C12orf42: variants seen among roughly 807,000 people sequenced by gnomAD.
C12orf42 encodes chromosome 12 open reading frame 42, also known as uncharacterized protein C12orf42.
A neutral mutation model predicts 21.6 loss-of-function variants in C12orf42; 25 were observed. The ratio of observed to expected loss-of-function variants is 1.16; its 90% CI spans 0.84 to 1.62. The LOEUF is 1.62. Among genes scored for constraint, C12orf42 ranks in the 40% most tolerant of loss-of-function variants. C12orf42 has a pLI of 0.00. For missense variants in C12orf42, 483 were observed against 459.3 expected, an observed-to-expected ratio of 1.05 and a Z score of -0.47; for synonymous variants, 174 against 175.0, an observed-to-expected ratio of 0.99 and a Z score of 0.05.
the C12orf42 span, among the ~76,000 whole-genome samples, chr12:103,222,543 T>C: frequency 6.6e-6 from 1 of 152,190 alleles, no homozygotes; most frequent in African/African-American, 2.4e-5. Context: ...ATGCGATAGC[T>C]TGGCTTGAGC....
intron 2 of C12orf42, among the ~76,000 whole-genome samples, chr12:103,436,835 A>G (rs1440926017): frequency 6.6e-6 from 1 of 150,970 alleles, no homozygotes; most frequent in Non-Finnish European, 1.5e-5. Context: ...TGTCAACATT[A>G]GACAGATCAA....
intron 10 of C12orf42, among the ~76,000 whole-genome samples, chr12:103,258,823 G>A (rs1389401556): frequency 2.0e-5 from 3 of 152,108 alleles, no homozygotes; most frequent in Non-Finnish European, 4.4e-5. Flanking sequence ...CACAAAAGGG[G>A]ATTGAAATAA....
At chr12:103,337,228 T>C (rs1825649361) in intron 4 of C12orf42, among the ~76,000 whole-genome samples, 1 of 152,214 alleles carries the variant, frequency 6.6e-6, no homozygotes, top group South Asian at 2.1e-4. Flanking sequence ...ATCTGCCCCT[T>C]TGTGCACAGC....
At chr12:103,081,721 T>C in the C12orf42 span, among the ~76,000 whole-genome samples, 1 of 152,172 alleles carries the variant, frequency 6.6e-6, no homozygotes, top group Non-Finnish European at 1.5e-5. Flanking sequence ...TTTGAGTGGT[T>C]TAGTTCCATT....
At chr12:103,155,917 C>T in the C12orf42 span, among the ~76,000 whole-genome samples, 21 of 150,242 alleles carry the variant, frequency 1.4e-4, no homozygotes, top group South Asian at 4.4e-3. Flanking sequence ...ACAAGTTGTG[C>T]CTTTGTATTC....
upstream of C12orf42, among the ~76,000 whole-genome samples, chr12:103,499,238 T>C (rs897027822): frequency 5.3e-5 from 8 of 152,206 alleles, no homozygotes; most frequent in Non-Finnish European, 8.8e-5. Flanking sequence ...ACTTGAAATA[T>C]GCTAAGACAG....
At chr12:103,066,679 G>A in the C12orf42 span, among the ~76,000 whole-genome samples, 2 of 152,224 alleles carry the variant, frequency 1.3e-5, no homozygotes, top group Admixed American at 6.5e-5. Flanking sequence ...CTGATTCGTG[G>A]GCTGTAGCCA....
chr12:103,194,369 A>T, the C12orf42 span, among the ~76,000 whole-genome samples: 1 of 152,118 alleles, frequency 6.6e-6, no homozygotes, highest in Non-Finnish European at 1.5e-5. Flanking sequence ...TTGAAAAGGA[A>T]AAAGTAAAAT....
intron 4 of C12orf42, among the ~76,000 whole-genome samples, chr12:103,310,998 G>A (rs1001573708): frequency 6.6e-6 from 1 of 152,054 alleles, no homozygotes; most frequent in Admixed American, 6.5e-5. Flanking sequence ...ATACACTTTC[G>A]CATTCCAGGA....
chr12:103,474,881 A>G (rs1319758742), intron 2 of C12orf42, among the ~76,000 whole-genome samples: 4 of 152,224 alleles, frequency 2.6e-5, no homozygotes, highest in Non-Finnish European at 1.5e-5. Flanking sequence ...ACAAAATTCT[A>G]AACATCAAAT....
the C12orf42 span, among the ~76,000 whole-genome samples, chr12:103,054,086 T>C: frequency 6.6e-6 from 1 of 151,924 alleles, no homozygotes; most frequent in African/African-American, 2.4e-5. Context: ...TGCCTTTCCA[T>C]ATAAATTTTA....
the C12orf42 span, among the ~76,000 whole-genome samples, chr12:103,120,351 A>T: frequency 2.0e-4 from 31 of 152,214 alleles, no homozygotes; most frequent in Non-Finnish European, 4.0e-4. Context: ...CACTTGAATC[A>T]ATCTAAAGAG....
At chr12:103,389,667 A>T (rs1473130978) in intron 3 of C12orf42, among the ~76,000 whole-genome samples, 1 of 152,148 alleles carries the variant, frequency 6.6e-6, no homozygotes, top group East Asian at 1.9e-4. Context: ...TATTCATTCA[A>T]CAAGCTACCC....
chr12:103,267,242 T>C (rs2035213705), downstream of C12orf42, among the ~76,000 whole-genome samples: 1 of 152,094 alleles, frequency 6.6e-6, no homozygotes, highest in Non-Finnish European at 1.5e-5. Context: ...GTGCCCGGAA[T>C]TGAGGGATCA....
At chr12:103,420,374 T>C (rs200532163) in intron 2 of C12orf42, among the ~76,000 whole-genome samples, 1 of 152,202 alleles carries the variant, frequency 6.6e-6, no homozygotes, top group Non-Finnish European at 1.5e-5. Flanking sequence ...AACTGCCACA[T>C]GAGGACGTGG....
chr12:103,212,151 T>C, the C12orf42 span, among the ~76,000 whole-genome samples: 1 of 152,220 alleles, frequency 6.6e-6, no homozygotes, highest in Non-Finnish European at 1.5e-5. Flanking sequence ...GTTACCTTTT[T>C]AAAACATAAC....
At chr12:103,243,584 A>C (rs1162183858) in intron 10 of C12orf42, among the ~76,000 whole-genome samples, 2 of 152,110 alleles carry the variant, frequency 1.3e-5, no homozygotes, top group Non-Finnish European at 2.9e-5. Context: ...AAGGCATATT[A>C]ATATTATAAT....
the C12orf42 span, among the ~76,000 whole-genome samples, chr12:103,077,539 C>G: frequency 6.6e-6 from 1 of 152,234 alleles, no homozygotes; most frequent in East Asian, 1.9e-4. Context: ...AGGCAGCTGA[C>G]CCCCAGACCC....
chr12:103,524,970 G>C, the C12orf42 span, among the ~76,000 whole-genome samples: 22 of 149,308 alleles, frequency 1.5e-4, no homozygotes, highest in Non-Finnish European at 2.1e-4. Flanking sequence ...TTTGGGGGGG[G>C]GGCAGGGGGG....
Sources: gnomAD v4.1 joint callset for allele counts (sites outside exome capture counted in the v4.1 genomes callset) on GRCh38, gnomAD v4.1.1 for gene constraint, MANE v1.5 for transcripts, NCBI Gene and HGNC (gene_info 2026-07-23, HGNC 2026-07-21) for gene names.